The following OR5A2 variants were observed in gnomAD, a reference collection of about 807,000 sequenced individuals.
OR5A2 encodes olfactory receptor family 5 subfamily A member 2.
For missense variants in OR5A2, 406 were observed against 398.9 expected, an observed-to-expected ratio of 1.02 and a Z score of -0.15; for synonymous variants, 155 against 151.1, an observed-to-expected ratio of 1.03 and a Z score of -0.19.
chr11:59,425,725 A>T (rs1858294261), intron 1 of OR5A2: 1 of 152,224 alleles, frequency 6.6e-6, no homozygotes, highest in Non-Finnish European at 1.5e-5. Flanking sequence ...TAATTTCCTC[A>T]GTTATAATTT....
At position 59,421,687 on chromosome 11, in the gene OR5A2, G is replaced by A. The variant is rs1441245521; in HGVS notation, c.*292C>T. 1.8e-5 allele frequency: 5 copies of A among 282,686 alleles called. No individual in the cohort carries two copies. Among genetic ancestry groups the A allele is most frequent in the East Asian group, 6.2e-5 (1 of 16,178 alleles). The allele number at this position is 282,686 out of a possible 1,614,324, so 17.5% of individuals were successfully genotyped here. On this transcript the variant is annotated 3_prime_UTR_variant, in exon 2 of 2. Transcript: ENST00000302040. ...CTAAATGCTGGACTAACATTTTTTC[G>A]ATGACTTTCCTCCTATACATACAAA...
At position 59,420,968 on chromosome 11, in the gene OR5A2, C is replaced by G. The variant is rs566201685; in HGVS notation, c.*1011G>C. ...TCTTTTTGTAGTTGATTGAATTGGC[C>G]GAGAGGTTTTTTGTTCAGTCATTAA... On this transcript the variant is annotated 3_prime_UTR_variant, in exon 2 of 2. Coordinates refer to ENST00000302040, the MANE Select transcript of OR5A2 (RefSeq NM_001001954.2). The G allele has an allele frequency of 6.6e-6, 1 of 152,018 alleles. No individual in the cohort carries two copies. Among genetic ancestry groups the G allele is most frequent in the Admixed American group, 6.6e-5 (1 of 15,254 alleles). The allele number at this position is 152,018 out of a possible 1,614,324, so 9.4% of individuals were successfully genotyped here.
chr11:59,423,177 G>A (rs17584022), intron 1 of OR5A2, 133 bp from the exon 2 acceptor site: 118,031 of 475,332 alleles, frequency 0.25, 15,609 homozygotes, highest in Non-Finnish European at 0.28. Flanking sequence ...TTGACCAAAA[G>A]AGAATCCATC....
At chr11:59,423,153 A>G (rs1474256100) in intron 1 of OR5A2, 109 bp from the exon 2 acceptor site, 1 of 553,402 alleles carries the variant, frequency 1.8e-6, no homozygotes, top group Non-Finnish European at 3.2e-6. Flanking sequence ...GATAATCCAT[A>G]TGCTCTATGC....
At position 59,417,356 on chromosome 11, in the gene OR5A2, G is replaced by C. The variant is rs1858168161; in HGVS notation, c.*4623C>G. On this transcript the variant is annotated 3_prime_UTR_variant, in exon 2 of 2. Transcript: ENST00000302040. ...TATTTATTTGCCTGTACAAAAGAGT[G>C]AACTCTTATCCCTGGCCAGGCCCAC... 6.6e-6 allele frequency: 1 copy of C among 151,990 alleles called. No individual in the cohort carries two copies. Among genetic ancestry groups the C allele is most frequent in the African/African-American group, 2.4e-5 (1 of 41,392 alleles). The allele number at this position is 151,990 out of a possible 1,614,324, so 9.4% of individuals were successfully genotyped here.
intron 1 of OR5A2, chr11:59,424,150 C>A (rs1234223978): frequency 6.6e-6 from 1 of 152,246 alleles, no homozygotes; most frequent in Non-Finnish European, 1.5e-5. Flanking sequence ...CAGTGGCTCA[C>A]TCCCAGCACT....
rs1858182760 is a variant in OR5A2, at chr11:59,418,356, A to G, written c.*3623T>C. The G allele has an allele frequency of 6.6e-6, 1 of 152,288 alleles. No homozygotes were observed. Among genetic ancestry groups the G allele is most frequent in the Non-Finnish European group, 1.5e-5 (1 of 68,004 alleles). The allele number at this position is 152,288 out of a possible 1,614,324, so 9.4% of individuals were successfully genotyped here. On this transcript the variant is annotated 3_prime_UTR_variant, in exon 2 of 2. Transcript: ENST00000302040. ...TTCTTCACTGAAAATTAAATCTGTC[A>G]TTCTGGCTTATGCAGATAGCTATTC...
Position 59,422,592 on chromosome 11 carries a change from T to C in OR5A2, c.362A>G (p.Tyr121Cys), listed in dbSNP as rs755077289. The C allele has an allele frequency of 7.4e-6, 12 of 1,614,078 alleles. No individual in the cohort carries two copies. Among genetic ancestry groups the C allele is most frequent in the Non-Finnish European group, 1.0e-5 (12 of 1,180,040 alleles). Residue 121 changes from tyrosine (Y) to cysteine (C), a missense_variant, in exon 2 of 2, where the codon TAT becomes TGT. Coordinates refer to ENST00000302040, the MANE Select transcript of OR5A2 (RefSeq NM_001001954.2). ...GTTGCAGATTGCAGCATACCGGTCA[T>C]AGGCCATAGCTGCCAGGAGAAAGCA... ...TECFLLAAMA[Y>C]DRYAAICNPL...
chr11:59,421,478 C>T lies in OR5A2; in HGVS notation c.*501G>A, dbSNP rs1858219327. On this transcript the variant is annotated 3_prime_UTR_variant, in exon 2 of 2. Transcript: ENST00000302040. ...TGCCTCTAAAGAGTATGAAAACTCTCCCATCAGTCACAGGGGCTCCTATGG... is the reference window on the plus strand; with the variant it reads ...TGCCTCTAAAGAGTATGAAAACTCTTCCATCAGTCACAGGGGCTCCTATGG... 6.5e-6 allele frequency: 1 copy of T among 154,116 alleles called. No individual in the cohort carries two copies. The highest frequency in any genetic ancestry group is 2.4e-5 in the African/African-American group (1 of 41,458). 9.5% of individuals were successfully genotyped at this position (154,116 alleles called of 1,614,324 possible).
chr11:59,423,161 T>C, intron 1 of OR5A2, 117 bp from the exon 2 acceptor site: 1 of 536,300 alleles, frequency 1.9e-6, no homozygotes, highest in East Asian at 2.9e-5. Context: ...ATATGCTCTA[T>C]GCTTGTTGAC....
chr11:59,422,722 T>G lies in OR5A2; in HGVS notation c.232A>C (p.Thr78Pro). 6.2e-7 allele frequency: 1 copy of G among 1,614,034 alleles called. No individual in the cohort carries two copies. The change falls in exon 2 of 2, where the codon ACC (threonine) becomes CCC (proline). Residue 78 changes from threonine (T) to proline (P), a missense_variant. Coordinates refer to ENST00000302040, the MANE Select transcript of OR5A2 (RefSeq NM_001001954.2). Reference protein sequence around the residue: ...SFLDICYVSSTAPKMLSDIIT... With the variant: ...SFLDICYVSSPAPKMLSDIIT... ...ATGTCAGACAGCATCTTAGGGGCGG[T>G]GGAGGACACATAGCAGATGTCCAGG...
In OR5A2 at chr11:59,422,026, G is replaced by T. The variant is rs1286234161; in HGVS notation, c.928C>A (p.Pro310Thr). Reference protein sequence around the residue: ...NAMRKAMERDPGISHGGPFIF... With the variant: ...NAMRKAMERDTGISHGGPFIF... The stretch of plus-strand genomic sequence containing the variant: ...AATGGTCCACCGTGAGAAATCCCGG[G>T]GTCCCTTTCCATGGCTTTCCTCATG... Residue 310 changes from proline to threonine, a missense_variant, in exon 2 of 2, where the codon CCC becomes ACC. Coordinates refer to ENST00000302040, the MANE Select transcript of OR5A2 (RefSeq NM_001001954.2). 5 of 1,613,404 alleles carry T rather than the reference G, an allele frequency of 3.1e-6. No homozygotes were observed. The highest frequency in any genetic ancestry group is 4.2e-6 in the Non-Finnish European group (5 of 1,179,656).
rs2134522657 is a variant in OR5A2, at chr11:59,422,093, A to G, written c.861T>C (p.Asn287=). 1.2e-6 allele frequency: 2 copies of G among 1,613,966 alleles called. No homozygotes were observed. Among genetic ancestry groups the G allele is most frequent in the East Asian group, 2.2e-5 (1 of 44,880 alleles). Residue 287 remains asparagine, a synonymous_variant, in exon 2 of 2, where the codon AAT becomes AAC. Coordinates refer to ENST00000302040, the MANE Select transcript of OR5A2 (RefSeq NM_001001954.2). ...TATTCCTAAAACTGTAGATGATGGG[A>G]TTCACCACGGGGATCACCAAGGCAT... ...IFYALVIPVV[N]PIIYSFRNKE...
At chr11:59,423,694 T>G (rs975934667) in intron 1 of OR5A2, 2 of 152,278 alleles carry the variant, frequency 1.3e-5, no homozygotes, top group African/African-American at 4.8e-5. Context: ...TGTATGTTTG[T>G]GCATATATAT....
Position 59,421,368 on chromosome 11 carries a change from A to C in OR5A2, c.*611T>G, listed in dbSNP as rs1366959309. 6.6e-6 allele frequency: 1 copy of C among 152,528 alleles called. No homozygotes were observed. The allele number at this position is 152,528 out of a possible 1,614,324, so 9.4% of individuals were successfully genotyped here. A position where few individuals can be genotyped will look rare whatever the true frequency, so the allele number is the denominator to read the frequency against. ...CCTCCCACCAGGCCCCACCTCCAGC[A>C]CTGGAGATTGCAATTAAACATGAGA... On this transcript the variant is annotated 3_prime_UTR_variant, in exon 2 of 2. Transcript: ENST00000302040.
chr11:59,422,362 C>G lies in OR5A2; in HGVS notation c.592G>C (p.Val198Leu). The G allele has an allele frequency of 6.2e-7, 1 of 1,614,124 alleles. No homozygotes were observed. Among genetic ancestry groups the G allele is most frequent in the East Asian group, 2.2e-5 (1 of 44,870 alleles). ...ACAACACTGACTATGAAGGTCACCA[C>G]CTCGCTGGTGAAGGTATCAGAGCAG... is the stretch of plus-strand genomic sequence containing the variant. ...LSCSDTFTSEVVTFIVSVVVG... is the reference protein window; with the variant it reads ...LSCSDTFTSELVTFIVSVVVG... Residue 198 changes from valine (V) to leucine (L), a missense_variant, in exon 2 of 2, where the codon GTG becomes CTG. Coordinates refer to ENST00000302040, the MANE Select transcript of OR5A2 (RefSeq NM_001001954.2).
chr11:59,423,636 A>G (rs886800067), intron 1 of OR5A2: 2 of 83,268 alleles, frequency 2.4e-5, no homozygotes, highest in African/African-American at 9.1e-5. Context: ...GTATATTTGT[A>G]TATATATATA....
rs2134521252 is a variant in OR5A2 at position 59,420,127 on chromosome 11, C to T, written c.*1852G>A. The T allele has an allele frequency of 6.6e-6, 1 of 152,114 alleles. No individual in the cohort carries two copies. The highest frequency in any genetic ancestry group is 1.9e-4 in the East Asian group (1 of 5,166). 9.4% of individuals were successfully genotyped at this position (152,114 alleles called of 1,614,324 possible). A position where few individuals can be genotyped will look rare whatever the true frequency, so the allele number is the denominator to read the frequency against. The stretch of plus-strand genomic sequence containing the variant: ...TTTATGGTTTGCAGGGCATGACTCC[C>T]CAGACCCCTTAGAAAGGAATTTGGG... On this transcript the variant is annotated 3_prime_UTR_variant, in exon 2 of 2. Transcript: ENST00000302040.
At chr11:59,423,164 T>C in intron 1 of OR5A2, 120 bp from the exon 2 acceptor site, 1 of 523,290 alleles carries the variant, frequency 1.9e-6, no homozygotes, top group South Asian at 3.2e-5. Context: ...TGCTCTATGC[T>C]TGTTGACCAA....
Sources: allele counts gnomAD v4.1 joint callset, GRCh38; gene constraint gnomAD v4.1.1; transcripts MANE v1.5; gene names NCBI Gene and HGNC (gene_info 2026-07-23, HGNC 2026-07-21).